Variants in KCTD16 observed in about 807,000 individuals in gnomAD.
The protein encoded by KCTD16 is BTB/POZ domain-containing protein KCTD16.
A neutral mutation model predicts 33.2 loss-of-function variants in KCTD16; 13 were observed. The observed-to-expected ratio is 0.39, with a 90% CI of 0.25 to 0.62. KCTD16 has a LOEUF of 0.62. KCTD16 is among the 20% of genes least tolerant of loss of function. KCTD16 has a pLI of 0.50. For synonymous variants in KCTD16, 197 were observed against 195.3 expected (o/e 1.01, Z -0.07); for missense variants, 441 against 525.1 (o/e 0.84, Z 1.57).
At chr5:144,366,560 T>G (rs567496177) in intron 3 of KCTD16, among the ~76,000 whole-genome samples, 18 of 152,296 alleles carry the variant, frequency 1.2e-4, no homozygotes, top group African/African-American at 3.8e-4. Flanking sequence ...ATTTGCTAAC[T>G]CTATGTTTGC....
chr5:144,455,459 C>G (rs189392015), intron 3 of KCTD16, among the ~76,000 whole-genome samples: 12 of 152,000 alleles, frequency 7.9e-5, no homozygotes, highest in African/African-American at 2.9e-4. Context: ...ATTTGGGAAC[C>G]AAGAGAAAGT....
At chr5:144,229,693 C>G (rs1305906752) in intron 3 of KCTD16, among the ~76,000 whole-genome samples, 1 of 152,160 alleles carries the variant, frequency 6.6e-6, no homozygotes, top group Non-Finnish European at 1.5e-5. Context: ...TTCATCATCT[C>G]TCTTACCCAC....
chr5:144,201,093 G>C (rs1328595454), intron 2 of KCTD16, among the ~76,000 whole-genome samples: 3 of 152,138 alleles, frequency 2.0e-5, no homozygotes, highest in Non-Finnish European at 4.4e-5. Context: ...TTGAGTTTGT[G>C]TGTGCATTTG....
chr5:144,456,185 T>G (rs1392536100), intron 3 of KCTD16, among the ~76,000 whole-genome samples: 1 of 142,512 alleles, frequency 7.0e-6, no homozygotes, highest in African/African-American at 2.8e-5. Context: ...CTTTATATAT[T>G]TTCTGTCTCC....
intron 3 of KCTD16, among the ~76,000 whole-genome samples, chr5:144,378,821 G>C (rs1752149383): frequency 6.6e-6 from 1 of 152,098 alleles, no homozygotes; most frequent in Non-Finnish European, 1.5e-5. Context: ...CGTGTTATTT[G>C]GCCTCTTCTC....
At chr5:144,230,955 T>A (rs1265247778) in intron 3 of KCTD16, among the ~76,000 whole-genome samples, 1 of 152,130 alleles carries the variant, frequency 6.6e-6, no homozygotes, top group Non-Finnish European at 1.5e-5. Flanking sequence ...CTGAGCCTCA[T>A]AGTGAGAGCA....
At chr5:144,315,662 AC>A (rs1751887591) in intron 3 of KCTD16, among the ~76,000 whole-genome samples, 1 of 152,172 alleles carries the variant, frequency 6.6e-6, no homozygotes, top group Non-Finnish European at 1.5e-5. Context: ...CCAGTTTAGT[AC>A]ATGAGAGAAC....
In KCTD16 at chr5:144,482,849, T is replaced by C. The variant is rs1754732064; in HGVS notation, c.*8735T>C. 6.6e-6 allele frequency: 1 copy of C among 151,756 alleles called. No homozygotes were observed. Among genetic ancestry groups the C allele is most frequent in the Non-Finnish European group, 1.5e-5 (1 of 67,866 alleles). The allele number at this position is 151,756 out of a possible 1,614,324, so 9.4% of individuals were successfully genotyped here. On this transcript the variant is annotated 3_prime_UTR_variant, in exon 4 of 4. Transcript: ENST00000512467. ...TGTATACACCCATAAACAAAGCTCA[T>C]AGTTTAAAACTTTGGAATTTTCAGT...
At chr5:144,212,572 T>C (rs2126795178) in intron 3 of KCTD16, among the ~76,000 whole-genome samples, 1 of 152,316 alleles carries the variant, frequency 6.6e-6, no homozygotes, top group South Asian at 2.1e-4. Context: ...GCTGAGAATG[T>C]GCCACAAAGC....
At chr5:144,322,605 C>T (rs1425696407) in intron 3 of KCTD16, among the ~76,000 whole-genome samples, 2 of 151,948 alleles carry the variant, frequency 1.3e-5, no homozygotes, top group African/African-American at 2.4e-5. Context: ...CTAGCCATGC[C>T]TGACATCACC....
intron 3 of KCTD16, among the ~76,000 whole-genome samples, chr5:144,360,341 A>T (rs1321838487): frequency 6.6e-6 from 1 of 151,990 alleles, no homozygotes; most frequent in East Asian, 1.9e-4. Flanking sequence ...ATGAGTGAGA[A>T]CATGCGGTGT....
At chr5:144,181,774 A>G (rs1029358193) in intron 2 of KCTD16, among the ~76,000 whole-genome samples, 1 of 152,152 alleles carries the variant, frequency 6.6e-6, no homozygotes, top group African/African-American at 2.4e-5. Context: ...TGGTCATTGT[A>G]ACAGTATTAA....
At chr5:144,294,482 T>C (rs932615423) in intron 3 of KCTD16, among the ~76,000 whole-genome samples, 1 of 146,704 alleles carries the variant, frequency 6.8e-6, no homozygotes, top group Non-Finnish European at 1.5e-5. Context: ...GCATTTTGTA[T>C]ATAAACTTAT....
At chr5:144,468,550 G>A (rs142107525) in intron 3 of KCTD16, among the ~76,000 whole-genome samples, 19 of 152,140 alleles carry the variant, frequency 1.2e-4, no homozygotes, top group Admixed American at 6.6e-4. Context: ...TTTTTCAGAA[G>A]CTCTCATAGC....
At chr5:144,229,907 C>T (rs901519725) in intron 3 of KCTD16, among the ~76,000 whole-genome samples, 10 of 152,046 alleles carry the variant, frequency 6.6e-5, no homozygotes, top group African/African-American at 2.4e-4. Flanking sequence ...TTTGGGAGGC[C>T]GAGGCGGGCT....
chr5:144,441,483 T>G (rs572415041), intron 3 of KCTD16, among the ~76,000 whole-genome samples: 3 of 152,252 alleles, frequency 2.0e-5, no homozygotes, highest in Admixed American at 6.5e-5. Flanking sequence ...AACGATATCT[T>G]AAGTTACTTT....
chr5:144,297,601 A>G (rs1756077232), intron 3 of KCTD16, among the ~76,000 whole-genome samples: 1 of 152,198 alleles, frequency 6.6e-6, no homozygotes, highest in Non-Finnish European at 1.5e-5. Flanking sequence ...AGGACTAACT[A>G]GATTTCCTAG....
chr5:144,383,466 T>C (rs1752258486), intron 3 of KCTD16, among the ~76,000 whole-genome samples: 1 of 151,922 alleles, frequency 6.6e-6, no homozygotes, highest in African/African-American at 2.4e-5. Flanking sequence ...CTGCATCATA[T>C]GTTAATAAGC....
chr5:144,303,661 A>G (rs912030394), intron 3 of KCTD16, among the ~76,000 whole-genome samples: 2 of 152,088 alleles, frequency 1.3e-5, no homozygotes, highest in African/African-American at 4.8e-5. Context: ...TCAGGCCACT[A>G]TAAGGAAACA....
Sources: gnomAD v4.1 joint callset for allele counts (sites outside exome capture counted in the v4.1 genomes callset) on GRCh38, gnomAD v4.1.1 for gene constraint, MANE v1.5 for transcripts, NCBI Gene and HGNC (gene_info 2026-07-23, HGNC 2026-07-21) for gene names.